Variants in GPSM2 observed in about 807,000 individuals in gnomAD.
The protein encoded by GPSM2 is G protein signaling modulator 2.
A neutral mutation model predicts 78.4 loss-of-function variants in GPSM2; 58 were observed. That is an observed-to-expected ratio of 0.74 (90% confidence interval 0.60 to 0.92). GPSM2 has a LOEUF of 0.92. Among genes scored for constraint, GPSM2 ranks in the 40% least tolerant of loss-of-function variants. The pLI, the probability that GPSM2 is intolerant of heterozygous loss-of-function variation, is 0.00. For missense variants in GPSM2, 700 were observed against 815.5 expected, an observed-to-expected ratio of 0.86 and a Z score of 1.73; for synonymous variants, 224 against 280.2, an observed-to-expected ratio of 0.80 and a Z score of 2.00.
intron 2 of GPSM2, among the ~76,000 whole-genome samples, chr1:108,886,892 G>GTT (rs572236285): frequency 4.9e-5 from 7 of 142,178 alleles, no homozygotes; most frequent in African/African-American, 1.0e-4. Flanking sequence ...TTGTGTTTTT[G>GTT]TTTTTTTTTT....
Position 108,917,645 on chromosome 1 carries a change from T to C in GPSM2, c.1264-968T>C, listed in dbSNP as rs1429146579. ...ATATATATATATATATATATATATA[T>C]ATATATATATATATATATATAAATG... is the stretch of plus-strand genomic sequence containing the variant. On this transcript the variant is annotated intron_variant, in intron 11 of 14. Coordinates refer to ENST00000264126, the MANE Select transcript of GPSM2 (RefSeq NM_013296.5). Among the ~76,000 whole-genome samples, 146 of 26,624 alleles carry C rather than the reference T, an allele frequency of 5.5e-3. 16 individuals carry two copies. The highest frequency in any genetic ancestry group is 0.015 in the East Asian group (22 of 1,496). 17.5% of individuals were successfully genotyped at this position (26,624 alleles called of 152,430 possible). A position where few individuals can be genotyped will look rare whatever the true frequency, so the allele number is the denominator to read the frequency against.
intron 12 of GPSM2, among the ~76,000 whole-genome samples, chr1:108,920,792 T>TC (rs1287887021): frequency 6.6e-6 from 1 of 152,200 alleles, no homozygotes; most frequent in African/African-American, 2.4e-5. Flanking sequence ...ATGCCTTTGT[T>TC]CAAGGTTTGG....
rs758132946 is a variant in GPSM2, at chr1:108,904,199, C to T, written c.1137C>T (p.Tyr379=). 5.2e-5 allele frequency: 83 copies of T among 1,594,876 alleles called. No homozygotes were observed. Among genetic ancestry groups the T allele is most frequent in the Non-Finnish European group, 6.9e-5 (80 of 1,163,212 alleles). Reference sequence around the variant, plus strand: ...TTCAAATGGTTCTTGGTCTGAGCTACAGCACAAATAACTCCATAATGTCTG... The same window carrying T: ...TTCAAATGGTTCTTGGTCTGAGCTATAGCACAAATAACTCCATAATGTCTG... The part of the protein sequence containing the change: ...SDLQMVLGLS[Y]STNNSIMSEN... The change falls in exon 10 of 15, where the codon TAC becomes TAT. Residue 379 remains tyrosine, a synonymous_variant. Transcript: ENST00000264126.
At chr1:108,879,892 A>G (rs1208009533) in intron 1 of GPSM2, among the ~76,000 whole-genome samples, 1 of 152,040 alleles carries the variant, frequency 6.6e-6, no homozygotes, top group East Asian at 1.9e-4. Context: ...TTACTGTTCT[A>G]CCTTCTCAGC....
intron 9 of GPSM2, among the ~76,000 whole-genome samples, chr1:108,903,508 A>G (rs146170363): frequency 1.3e-5 from 2 of 152,134 alleles, no homozygotes; most frequent in Non-Finnish European, 2.9e-5. Context: ...CCGCATCTCT[A>G]CATGGAGAAG....
chr1:108,930,488 T>A lies in GPSM2; in HGVS notation c.*548T>A, dbSNP rs1651754630. Reference sequence around the variant, plus strand: ...ACTCTACTTCTTGGGCTGGGCATGGTGGCTCATTCCTGTAATCCCAGCACA... The same window carrying A: ...ACTCTACTTCTTGGGCTGGGCATGGAGGCTCATTCCTGTAATCCCAGCACA... On this transcript the variant is annotated 3_prime_UTR_variant, in exon 15 of 15. Transcript: ENST00000264126. 6.5e-6 allele frequency: 1 copy of A among 153,604 alleles called. No homozygotes were observed. The highest frequency in any genetic ancestry group is 6.5e-5 in the Admixed American group (1 of 15,390). The allele number at this position is 153,604 out of a possible 1,614,324, so 9.5% of individuals were successfully genotyped here. A position where few individuals can be genotyped will look rare whatever the true frequency, so the allele number is the denominator to read the frequency against.
At chr1:108,891,646 T>C (rs1274555163) in intron 2 of GPSM2, among the ~76,000 whole-genome samples, 2 of 149,514 alleles carry the variant, frequency 1.3e-5, no homozygotes, top group Non-Finnish European at 3.0e-5. Context: ...TACAGGTGCA[T>C]GCCACCACAG....
At position 108,922,409 on chromosome 1, in the gene GPSM2, T is replaced by G. The variant is rs778819760; in HGVS notation, c.1441-8T>G. 1.3e-6 allele frequency: 2 copies of G among 1,598,604 alleles called. No homozygotes were observed. The highest frequency in any genetic ancestry group is 1.7e-6 in the Non-Finnish European group (2 of 1,166,230). On this transcript the variant is annotated splice_polypyrimidine_tract_variant and splice_region_variant and intron_variant, in intron 12 of 14. Transcript: ENST00000264126. The stretch of plus-strand genomic sequence containing the variant: ...TCAAATAAACTAGACTTCCTCTCAA[T>G]ATTTTAGAAAATCAGTGCAGATACT...
Position 108,901,898 on chromosome 1 carries a change from T to C in GPSM2, c.906T>C (p.Ile302=), listed in dbSNP as rs749421084. 4.3e-5 allele frequency: 69 copies of C among 1,611,674 alleles called. No individual in the cohort carries two copies. The East Asian group carries it at 1.5e-3, about 35-fold the overall frequency. The stretch of plus-strand genomic sequence containing the variant: ...TACTTCAAGACTATGAAAAGGCCAT[T>C]GATTATCATCTGAAGCACTTAGCAA... ...YTLLQDYEKA[I]DYHLKHLAIA... Residue 302 remains isoleucine (I), a synonymous_variant, in exon 8 of 15, where the codon ATT becomes ATC. Transcript: ENST00000264126.
At chr1:108,921,078 C>T (rs1429021705) in intron 12 of GPSM2, among the ~76,000 whole-genome samples, 1 of 152,108 alleles carries the variant, frequency 6.6e-6, no homozygotes, top group Admixed American at 6.6e-5. Context: ...CGGTGTCATG[C>T]AAGATACCCT....
At chr1:108,929,387 G>C in intron 14 of GPSM2, 1 of 348,130 alleles carries the variant, frequency 2.9e-6, no homozygotes, top group South Asian at 2.9e-5. Context: ...AGTTGACCTT[G>C]TCTTTTATCC....
Position 108,898,950 on chromosome 1 carries a change from A to G in GPSM2, c.753A>G (p.Ala251=), listed in dbSNP as rs12069435. 8,803 of 1,611,430 alleles carry G rather than the reference A, an allele frequency of 5.5e-3. 408 individuals are homozygous for G. In the African/African-American group the frequency reaches 0.1, roughly 18 times the overall value. Residue 251 remains alanine, a synonymous_variant, in exon 7 of 15, where the codon GCA becomes GCG. Transcript: ENST00000264126. Reference sequence around the variant, plus strand: ...GAGCATATAGCAACCTTGGAAATGCATATATATTTCTTGGTGAATTTGAAA... The same window carrying G: ...GAGCATATAGCAACCTTGGAAATGCGTATATATTTCTTGGTGAATTTGAAA... The part of the protein sequence containing the change: ...ERRAYSNLGN[A]YIFLGEFETA...
At chr1:108,886,565 T>C (rs557916186) in intron 2 of GPSM2, among the ~76,000 whole-genome samples, 1 of 152,222 alleles carries the variant, frequency 6.6e-6, no homozygotes, top group Admixed American at 6.5e-5. Flanking sequence ...ACATTCCTGG[T>C]AGAAGGTTGC....
chr1:108,880,430 A>C (rs142453775), intron 1 of GPSM2, among the ~76,000 whole-genome samples: 4,588 of 152,250 alleles, frequency 0.03, 247 homozygotes, highest in African/African-American at 0.1. Context: ...CCTGTCTCTG[A>C]TAAAAATACA....
At chr1:108,904,464 A>G (rs896614180) in intron 10 of GPSM2, among the ~76,000 whole-genome samples, 4 of 148,588 alleles carry the variant, frequency 2.7e-5, no homozygotes, top group South Asian at 2.1e-4. Flanking sequence ...TATATAATTT[A>G]TAAGTGTAAA....
intron 14 of GPSM2, 55 bp downstream of exon 14, chr1:108,924,269 T>G: frequency 9.7e-7 from 1 of 1,027,378 alleles, no homozygotes; most frequent in Non-Finnish European, 1.5e-6. Context: ...ACTGAAAACA[T>G]TGGTAGTGTT....
chr1:108,902,257 T>C (rs968941568), intron 8 of GPSM2, among the ~76,000 whole-genome samples: 1 of 151,948 alleles, frequency 6.6e-6, no homozygotes, highest in African/African-American at 2.4e-5. Context: ...GGCGCACGCT[T>C]GTAATCCCAG....
At chr1:108,902,238 G>A (rs1479599183) in intron 8 of GPSM2, among the ~76,000 whole-genome samples, 4 of 151,984 alleles carry the variant, frequency 2.6e-5, no homozygotes, top group South Asian at 2.1e-4. Flanking sequence ...AAAATTAGCC[G>A]GGTGTGGTGG....
intron 4 of GPSM2, 31 bp from the exon 5 acceptor site, chr1:108,897,928 A>G: frequency 6.2e-7 from 1 of 1,611,210 alleles, no homozygotes; most frequent in Non-Finnish European, 8.5e-7. Context: ...TCTGTTTTCA[A>G]AATGTAAACT....
Sources: allele counts gnomAD v4.1 joint callset (sites outside exome capture counted in the v4.1 genomes callset), GRCh38; gene constraint gnomAD v4.1.1; transcripts MANE v1.5; gene names NCBI Gene and HGNC (gene_info 2026-07-23, HGNC 2026-07-21).